The following TXLNB variants were observed in gnomAD, a reference collection of about 807,000 sequenced individuals.
The protein encoded by TXLNB is beta-taxilin.
TXLNB carries 37 observed loss-of-function variants against 57.4 expected under a neutral mutation model. The ratio of observed to expected loss-of-function variants is 0.64; its 90% CI spans 0.50 to 0.85. The LOEUF is 0.85. Ranked by LOEUF, TXLNB falls within the 40% of genes least tolerant of loss-of-function variation. The pLI, the probability that TXLNB is intolerant of heterozygous loss-of-function variation, is 0.00. For synonymous variants in TXLNB, 302 were observed against 309.6 expected, an observed-to-expected ratio of 0.98 and a Z score of 0.26; for missense variants, 848 against 825.6, an observed-to-expected ratio of 1.03 and a Z score of -0.33.
the TXLNB span, among the ~76,000 whole-genome samples, chr6:139,193,616 G>A: frequency 1.7e-4 from 25 of 150,872 alleles, no homozygotes; most frequent in Admixed American, 1.6e-3. Context: ...GCAGGTGGAA[G>A]TCTTTGATGC....
chr6:139,247,854 T>C lies in TXLNB; in HGVS notation c.1133A>G (p.Asn378Ser). 1 of 1,607,716 alleles carries C rather than the reference T, an allele frequency of 6.2e-7. No individual in the cohort carries two copies. Among genetic ancestry groups the C allele is most frequent in the Non-Finnish European group, 8.5e-7 (1 of 1,177,014 alleles). The change falls in exon 8 of 10, where the codon AAC becomes AGC. Residue 378 changes from asparagine to serine, a missense_variant. Coordinates refer to ENST00000358430, the MANE Select transcript of TXLNB (RefSeq NM_153235.4). The part of the protein sequence containing the change: ...EEFQSTLTKS[N>S]EVFATFKQEM... Reference sequence around the variant, plus strand: ...CTGTTTGAACGTGGCAAACACCTCGTTGCTTTTAGTTAGTGTGCTCTGGAA... The same window carrying C: ...CTGTTTGAACGTGGCAAACACCTCGCTGCTTTTAGTTAGTGTGCTCTGGAA...
rs760868238 is a variant in TXLNB, at chr6:139,243,037, G to A, written c.1544C>T (p.Ser515Leu). 1 of 1,614,146 alleles carries A rather than the reference G, an allele frequency of 6.2e-7. No homozygotes were observed. The highest frequency in any genetic ancestry group is 1.7e-5 in the Admixed American group (1 of 60,016). Reference protein sequence around the residue: ...TAFMIIHHPESTPHQSKETQP... With the variant: ...TAFMIIHHPELTPHQSKETQP... ...GGTTTCTTTGGACTGGTGCGGGGTT[G>A]ACTCTGGATGATGAATTATCATGAA... Residue 515 changes from serine (S) to leucine (L), a missense_variant, in exon 10 of 10, where the codon TCA becomes TTA. Ser to Leu is a moderately radical substitution (Grantham distance 145). Coordinates refer to ENST00000358430, the MANE Select transcript of TXLNB (RefSeq NM_153235.4).
At chr6:139,203,698 A>T in the TXLNB span, 2 of 152,224 alleles carry the variant, frequency 1.3e-5, no homozygotes, top group Non-Finnish European at 2.9e-5. Context: ...AGTCATCCAC[A>T]CCCATCAGTG....
chr6:139,276,460 G>A (rs17068467), intron 3 of TXLNB, among the ~76,000 whole-genome samples: 4,509 of 152,320 alleles, frequency 0.03, 87 homozygotes, highest in Middle Eastern at 0.065. Context: ...TAACATGCGA[G>A]AATTAACCCA....
At chr6:139,175,378 T>A in the TXLNB span, among the ~76,000 whole-genome samples, 1 of 152,216 alleles carries the variant, frequency 6.6e-6, no homozygotes, top group Non-Finnish European at 1.5e-5. Context: ...CTGCATAGTT[T>A]TATGTCTTTA....
intron 6 of TXLNB, among the ~76,000 whole-genome samples, chr6:139,259,633 T>G (rs1223056233): frequency 6.6e-6 from 1 of 152,172 alleles, no homozygotes; most frequent in East Asian, 1.9e-4. Context: ...TAGTGGTGAT[T>G]ATTGTCTGAA....
chr6:139,211,855 G>A, the TXLNB span, among the ~76,000 whole-genome samples: 4 of 152,142 alleles, frequency 2.6e-5, no homozygotes, highest in East Asian at 1.9e-4. Context: ...TAACCGATGC[G>A]ATCAACTGGA....
intron 6 of TXLNB, 79 bp downstream of exon 6, chr6:139,260,239 T>C: frequency 6.8e-7 from 1 of 1,480,468 alleles, no homozygotes; most frequent in Non-Finnish European, 9.1e-7. Flanking sequence ...AATAAATAAA[T>C]AAATACAAAA....
chr6:139,255,349 T>C (rs1776308564), intron 7 of TXLNB: 1 of 592,744 alleles, frequency 1.7e-6, no homozygotes, highest in East Asian at 3.7e-5. Flanking sequence ...TGACTGGATG[T>C]TGCCGGCGCA....
At chr6:139,244,090 TTGGAGCC>T (rs534739587) in intron 9 of TXLNB, among the ~76,000 whole-genome samples, 133 of 152,282 alleles carry the variant, frequency 8.7e-4, no homozygotes, top group African/African-American at 3.1e-3. Context: ...CAAAACCTAC[TTGGAGCC>T]TGGCATGAGA....
At position 139,249,619 on chromosome 6, in the gene TXLNB, G is replaced by A. The variant is rs145059260; in HGVS notation, c.1078-1710C>T. On this transcript the variant is annotated intron_variant, in intron 7 of 9. Coordinates refer to ENST00000358430, the MANE Select transcript of TXLNB (RefSeq NM_153235.4). ...ATTGGAGAGTTTCCAGTCTTGGGGT[G>A]TGGGTGTGAGAGGGAGTATGTATGA... Among the ~76,000 whole-genome samples the A allele has an allele frequency of 5.6e-3, 857 of 152,240 alleles. 4 individuals are homozygous for A. Among genetic ancestry groups the A allele is most frequent in the African/African-American group, 0.02 (822 of 41,528 alleles).
At chr6:139,167,066 C>T in the TXLNB span, 1 of 1,614,208 alleles carries the variant, frequency 6.2e-7, no homozygotes, top group Non-Finnish European at 8.5e-7. Context: ...CCTCTCCGAA[C>T]TCCTCACTCA....
the TXLNB span, among the ~76,000 whole-genome samples, chr6:139,218,030 C>T: frequency 6.6e-6 from 1 of 152,166 alleles, no homozygotes; most frequent in Admixed American, 6.5e-5. Context: ...GTCACACCTG[C>T]ATAACTCATT....
the TXLNB span, among the ~76,000 whole-genome samples, chr6:139,193,838 A>ATT: frequency 6.6e-4 from 35 of 52,746 alleles, no homozygotes; most frequent in East Asian, 3.0e-3. Flanking sequence ...ATATATATAT[A>ATT]TATTTTTTTT....
intron 7 of TXLNB, among the ~76,000 whole-genome samples, chr6:139,249,148 G>T (rs2114451637): frequency 6.6e-6 from 1 of 152,356 alleles, no homozygotes; most frequent in East Asian, 1.9e-4. Flanking sequence ...GTATCGCCAA[G>T]TCCTTAATTC....
chr6:139,320,923 A>G, the TXLNB span, among the ~76,000 whole-genome samples: 1 of 152,192 alleles, frequency 6.6e-6, no homozygotes, highest in African/African-American at 2.4e-5. Context: ...TACAGTGGCC[A>G]TATTCCACTC....
chr6:139,279,841 C>A (rs972189305), intron 2 of TXLNB, among the ~76,000 whole-genome samples: 2 of 152,176 alleles, frequency 1.3e-5, no homozygotes, highest in Non-Finnish European at 1.5e-5. Context: ...ATGTAGCCAC[C>A]ACACTGCGAA....
intron 6 of TXLNB, among the ~76,000 whole-genome samples, chr6:139,257,032 C>T (rs1776361962): frequency 6.6e-6 from 1 of 152,170 alleles, no homozygotes; most frequent in Non-Finnish European, 1.5e-5. Context: ...GTAATTTTAA[C>T]TTAAGATGAA....
chr6:139,268,619 A>G (rs943242277), intron 4 of TXLNB, among the ~76,000 whole-genome samples: 4 of 152,228 alleles, frequency 2.6e-5, no homozygotes, highest in Admixed American at 2.0e-4. Context: ...TTGATCTTGG[A>G]CAACCAATTT....
Sources: gnomAD v4.1 joint callset for allele counts (sites outside exome capture counted in the v4.1 genomes callset) on GRCh38, gnomAD v4.1.1 for gene constraint, MANE v1.5 for transcripts, NCBI Gene and HGNC (gene_info 2026-07-23, HGNC 2026-07-21) for gene names.